Variants in TMEM65 observed in about 807,000 individuals in gnomAD.
TMEM65 encodes the protein transmembrane protein 65.
Under a neutral mutation model 25.4 loss-of-function variants are expected in TMEM65, and 22 were observed. The observed-to-expected ratio is 0.86, with a 90% CI of 0.62 to 1.23. The LOEUF (loss-of-function observed/expected upper bound fraction) is 1.23, where lower values mean the gene tolerates loss of function less well. Among genes scored for constraint, TMEM65 ranks in the 50% most tolerant of loss-of-function variants. TMEM65 has a pLI of 0.00. For synonymous variants in TMEM65, 132 were observed against 126.2 expected (o/e 1.05, Z -0.31); for missense variants, 262 against 308.2 (o/e 0.85, Z 1.12).
At position 124,309,439 on chromosome 8, in the gene TMEM65, G is replaced by C. The variant is rs980153913; in HGVS notation, c.*4521C>G. 1 of 152,292 alleles carries C rather than the reference G, an allele frequency of 6.6e-6. No individual in the cohort carries two copies. The highest frequency in any genetic ancestry group is 2.4e-5 in the African/African-American group (1 of 41,550). The allele number at this position is 152,292 out of a possible 1,614,324, so 9.4% of individuals were successfully genotyped here. On this transcript the variant is annotated 3_prime_UTR_variant, in exon 7 of 7. Transcript: ENST00000297632. Reference sequence around the variant, plus strand: ...ACTGCTGTCAGTAAACATGCAAGAAGTAAGTATTAATCTTAATATTTAACT... The same window carrying C: ...ACTGCTGTCAGTAAACATGCAAGAACTAAGTATTAATCTTAATATTTAACT...
chr8:124,362,662 C>CAA lies in TMEM65; in HGVS notation c.304+9190_304+9191dup, dbSNP rs59243626. Among the ~76,000 whole-genome samples, 9 of 98,232 alleles carry CAA rather than the reference C, an allele frequency of 9.2e-5. 2 individuals carry two copies. Among genetic ancestry groups the CAA allele is most frequent in the Non-Finnish European group, 1.7e-4 (9 of 53,244 alleles). The allele number at this position is 98,232 out of a possible 152,430, so 64.4% of individuals were successfully genotyped here. A position where few individuals can be genotyped will look rare whatever the true frequency, so the allele number is the denominator to read the frequency against. On this transcript the variant is annotated intron_variant, in intron 1 of 6. Coordinates refer to ENST00000297632, the MANE Select transcript of TMEM65 (RefSeq NM_194291.3). ...TGGTGATAGAGCAAGACTCTTGTCTCAAAAAAAAAAAATAGAAAAAATGCT... is the reference window on the plus strand; with the variant it reads ...TGGTGATAGAGCAAGACTCTTGTCTCAAAAAAAAAAAAAATAGAAAAAATGCT...
chr8:124,333,452 C>T (rs2131206249), intron 1 of TMEM65, among the ~76,000 whole-genome samples: 1 of 135,964 alleles, frequency 7.4e-6, no homozygotes, highest in Non-Finnish European at 1.5e-5. Context: ...CAGTTCTTTC[C>T]ATCTGTGTGT....
At position 124,372,177 on chromosome 8, in the gene TMEM65, A is replaced by T; in HGVS notation, c.-20T>A. 8.3e-7 allele frequency: 1 copy of T among 1,211,396 alleles called. No homozygotes were observed. Among genetic ancestry groups the T allele is most frequent in the Non-Finnish European group, 1.0e-6 (1 of 966,698 alleles). The allele number at this position is 1,211,396 out of a possible 1,614,324, so 75.0% of individuals were successfully genotyped here. Reference sequence around the variant, plus strand: ...GGACATGGCGAGCTGAGGAGCTGGGACCCCCGCGGCCGTCCGGCAAGGCGG... The same window carrying T: ...GGACATGGCGAGCTGAGGAGCTGGGTCCCCCGCGGCCGTCCGGCAAGGCGG... On this transcript the variant is annotated 5_prime_UTR_variant, in exon 1 of 7. Coordinates refer to ENST00000297632, the MANE Select transcript of TMEM65 (RefSeq NM_194291.3).
At chr8:124,351,125 G>T (rs375736563) in intron 1 of TMEM65, 5 of 984,348 alleles carry the variant, frequency 5.1e-6, no homozygotes, top group Non-Finnish European at 6.0e-6. Flanking sequence ...CATGCTAAAA[G>T]ATATTTTAAA....
intron 1 of TMEM65, among the ~76,000 whole-genome samples, chr8:124,355,172 T>C (rs1031385174): frequency 1.3e-5 from 2 of 152,196 alleles, no homozygotes; most frequent in Non-Finnish European, 2.9e-5. Context: ...TCAAATGTGA[T>C]TGTTGCATAG....
intron 5 of TMEM65, among the ~76,000 whole-genome samples, chr8:124,320,841 T>C (rs977788767): frequency 3.9e-5 from 6 of 152,126 alleles, no homozygotes; most frequent in Non-Finnish European, 8.8e-5. Flanking sequence ...CATCTGAGAA[T>C]GCCTAAAATG....
intron 5 of TMEM65, among the ~76,000 whole-genome samples, chr8:124,320,899 G>A (rs1814296460): frequency 6.6e-6 from 1 of 152,060 alleles, no homozygotes; most frequent in South Asian, 2.1e-4. Flanking sequence ...AAGAGAAATA[G>A]TTTTTAAATA....
chr8:124,316,573 A>C (rs1369707378), intron 6 of TMEM65, among the ~76,000 whole-genome samples: 3 of 152,306 alleles, frequency 2.0e-5, no homozygotes, highest in East Asian at 3.9e-4. Flanking sequence ...GCCATAAACC[A>C]GTGAGGGGTT....
chr8:124,328,661 T>C (rs747474959), intron 2 of TMEM65, among the ~76,000 whole-genome samples: 1 of 152,206 alleles, frequency 6.6e-6, no homozygotes, highest in South Asian at 2.1e-4. Context: ...ATCTATAAAA[T>C]TGCCAAGGTA....
intron 1 of TMEM65, among the ~76,000 whole-genome samples, chr8:124,365,072 A>C (rs1814919878): frequency 6.6e-6 from 1 of 152,146 alleles, no homozygotes; most frequent in Non-Finnish European, 1.5e-5. Flanking sequence ...GTTCCACCTG[A>C]CCCTCTGGAT....
At chr8:124,324,664 T>C (rs1351875924) in intron 3 of TMEM65, among the ~76,000 whole-genome samples, 4 of 152,048 alleles carry the variant, frequency 2.6e-5, no homozygotes, top group Non-Finnish European at 5.9e-5. Context: ...TCTCTTGCAA[T>C]ACATACATTT....
chr8:124,306,817 T>A lies in TMEM65; in HGVS notation c.*7143A>T, dbSNP rs1319246606. 2 of 151,964 alleles carry A rather than the reference T, an allele frequency of 1.3e-5. No homozygotes were observed. Among genetic ancestry groups the A allele is most frequent in the East Asian group, 3.9e-4 (2 of 5,176 alleles). The allele number at this position is 151,964 out of a possible 1,614,324, so 9.4% of individuals were successfully genotyped here. The stretch of plus-strand genomic sequence containing the variant: ...TACAAAAATTAGCTGGGCATGGGGA[T>A]GCATGCCTGTAATCCCAACTACTTG... On this transcript the variant is annotated 3_prime_UTR_variant, in exon 7 of 7. Transcript: ENST00000297632.
At chr8:124,356,115 G>A (rs538972130) in intron 1 of TMEM65, among the ~76,000 whole-genome samples, 1 of 152,284 alleles carries the variant, frequency 6.6e-6, no homozygotes, top group South Asian at 2.1e-4. Context: ...CTTAATCTGA[G>A]CGGTGAACCA....
Position 124,322,210 on chromosome 8 carries a change from C to A in TMEM65, c.473-63G>T. ...AATAATAATTATATCACTATGTAAT[C>A]AATAAAGCACTGATCTTGGAAGAGT... On this transcript the variant is annotated intron_variant, in intron 4 of 6. Transcript: ENST00000297632. 2.5e-6 allele frequency: 3 copies of A among 1,220,550 alleles called. No individual in the cohort carries two copies. The South Asian group carries it at 4.0e-5, about 16-fold the overall frequency. 75.6% of individuals were successfully genotyped at this position (1,220,550 alleles called of 1,614,324 possible).
chr8:124,317,343 A>T (rs1414082384), intron 6 of TMEM65, among the ~76,000 whole-genome samples: 1 of 152,132 alleles, frequency 6.6e-6, no homozygotes, highest in Non-Finnish European at 1.5e-5. Flanking sequence ...GAGCAACTAC[A>T]TACCAAATCC....
intron 1 of TMEM65, among the ~76,000 whole-genome samples, chr8:124,349,049 G>C (rs1176676686): frequency 6.6e-6 from 1 of 152,168 alleles, no homozygotes; most frequent in Admixed American, 6.5e-5. Context: ...TGAAGATGTA[G>C]CCACTTAGGC....
chr8:124,352,423 T>G lies in TMEM65; in HGVS notation c.304+19431A>C, dbSNP rs995923795. On this transcript the variant is annotated intron_variant, in intron 1 of 6. Transcript: ENST00000297632. ...TAGTGTAAAATCAAAGGAACAAGAT[T>G]CTCTTTCTTAGAAGTCAAATGTTTT... 2.0e-5 allele frequency among the ~76,000 whole-genome samples: 3 copies of G among 151,548 alleles called. No homozygotes were observed. In the South Asian group the frequency reaches 6.2e-4, roughly 32 times the overall value.
intron 3 of TMEM65, among the ~76,000 whole-genome samples, chr8:124,324,568 T>C (rs1424233236): frequency 1.3e-5 from 2 of 152,070 alleles, no homozygotes; most frequent in African/African-American, 4.8e-5. Flanking sequence ...GGAGCACCAA[T>C]ATAGAAGAGA....
rs77496521 is a variant in TMEM65, at chr8:124,353,545, T to C, written c.304+18309A>G. Among the ~76,000 whole-genome samples the C allele has an allele frequency of 2.6e-5, 4 of 152,150 alleles. No homozygotes were observed. In the East Asian group the frequency reaches 7.7e-4, roughly 29 times the overall value. ...TCTTAGGGCAACATCCTAATAGTTA[T>C]GAGCACACCTAACACCCAGATCTTG... On this transcript the variant is annotated intron_variant, in intron 1 of 6. Coordinates refer to ENST00000297632, the MANE Select transcript of TMEM65 (RefSeq NM_194291.3).
Sources: allele counts gnomAD v4.1 joint callset (sites outside exome capture counted in the v4.1 genomes callset), GRCh38; gene constraint gnomAD v4.1.1; transcripts MANE v1.5; gene names NCBI Gene and HGNC (gene_info 2026-07-23, HGNC 2026-07-21).